The following RYR2 variants were observed in gnomAD, a reference collection of about 807,000 sequenced individuals.
RYR2 encodes ryanodine receptor 2.
RYR2 carries 227 observed loss-of-function variants against 601.1 expected under a neutral mutation model. That is an observed-to-expected ratio of 0.38 (90% CI 0.34 to 0.42). The LOEUF (loss-of-function observed/expected upper bound fraction) is 0.42, where lower values mean the gene tolerates loss of function less well. RYR2 is among the 10% of genes least tolerant of loss of function. The probability of loss-of-function intolerance (pLI) is 1.00; values close to 1 mark genes in which losing one functional copy is unlikely to be tolerated. For missense variants in RYR2, 4,646 were observed against 6,156.5 expected (o/e 0.75, Z 8.21); for synonymous variants, 2,223 against 2,175.1 (o/e 1.02, Z -0.61).
At chr1:237,245,485 A>G (rs1686718399) in intron 1 of RYR2, among the ~76,000 whole-genome samples, 1 of 152,164 alleles carries the variant, frequency 6.6e-6, no homozygotes. Flanking sequence ...GCGTAGGGAA[A>G]TGCTCATTTC....
Position 237,640,978 on chromosome 1 carries a change from G to A in RYR2, c.7197G>A (p.Leu2399=). 6.2e-7 allele frequency: 1 copy of A among 1,612,650 alleles called. No homozygotes were observed. Among genetic ancestry groups the A allele is most frequent in the East Asian group, 2.2e-5 (1 of 44,852 alleles). The change falls in exon 47 of 105, where the codon TTG becomes TTA. Residue 2399 remains leucine, a synonymous_variant. Transcript: ENST00000366574. The part of the protein sequence containing the change: ...MTFYSALIDL[L]GRCAPEMHLI... ...TCTATTCAGCTTTGATTGACCTCTTGGGACGCTGTGCTCCTGAGATGCATG... is the reference window on the plus strand; with the variant it reads ...TCTATTCAGCTTTGATTGACCTCTTAGGACGCTGTGCTCCTGAGATGCATG...
chr1:237,358,711 G>A (rs1004357389), intron 4 of RYR2, among the ~76,000 whole-genome samples: 2 of 151,894 alleles, frequency 1.3e-5, no homozygotes, highest in Non-Finnish European at 2.9e-5. Flanking sequence ...TCACTTCCCA[G>A]TTGCAGCCCT....
chr1:237,359,649 C>T (rs946937415), intron 4 of RYR2, among the ~76,000 whole-genome samples: 1 of 152,118 alleles, frequency 6.6e-6, no homozygotes, highest in East Asian at 1.9e-4. Flanking sequence ...TCTCCCTCCC[C>T]TCTCCATCCC....
rs147499106 is a variant in RYR2 at position 237,791,583 on chromosome 1, C to T, written c.13563+68C>T. On this transcript the variant is annotated intron_variant, in intron 93 of 104. Coordinates refer to ENST00000366574, the MANE Select transcript of RYR2 (RefSeq NM_001035.3). ...AATAGAAATGAATGTAAAGATTTCA[C>T]GATGAACGTATCTACTACTGCTAGT... 1.9e-3 allele frequency: 1,533 copies of T among 826,062 alleles called. 19 individuals carry two copies. Among genetic ancestry groups the T allele is most frequent in the Non-Finnish European group, 6.6e-4 (325 of 493,560 alleles). 51.2% of individuals were successfully genotyped at this position (826,062 alleles called of 1,614,324 possible).
chr1:237,252,994 A>T (rs1257455056), intron 1 of RYR2, among the ~76,000 whole-genome samples: 1 of 151,940 alleles, frequency 6.6e-6, no homozygotes, highest in Non-Finnish European at 1.5e-5. Context: ...ATGAAACTCC[A>T]TCTCTACTAA....
In RYR2 at chr1:237,660,801, C is replaced by A; in HGVS notation, c.8299-9C>A. On this transcript the variant is annotated splice_polypyrimidine_tract_variant and intron_variant, in intron 55 of 104. Transcript: ENST00000366574. ...ATATATCTGTTGTTTCTTGTTTTTT[C>A]TTCTCTAGGAAAAAGAAATTTATCG... 1 of 1,532,888 alleles carries A rather than the reference C, an allele frequency of 6.5e-7. No homozygotes were observed. Among genetic ancestry groups the A allele is most frequent in the Non-Finnish European group, 8.8e-7 (1 of 1,136,450 alleles). 95.0% of individuals were successfully genotyped at this position (1,532,888 alleles called of 1,614,324 possible). A position where few individuals can be genotyped will look rare whatever the true frequency, so the allele number is the denominator to read the frequency against.
chr1:237,100,440 G>A (rs894629675), intron 1 of RYR2, among the ~76,000 whole-genome samples: 16 of 151,594 alleles, frequency 1.1e-4, no homozygotes, highest in Admixed American at 1.1e-3. Flanking sequence ...AAGCTGGAGT[G>A]CAGTGGTGTG....
At chr1:237,557,671 A>G (rs1050826277) in intron 27 of RYR2, among the ~76,000 whole-genome samples, 1 of 152,026 alleles carries the variant, frequency 6.6e-6, no homozygotes, top group Non-Finnish European at 1.5e-5. Flanking sequence ...AAAAAGAAGT[A>G]TAGATGAGGA....
intron 97 of RYR2, among the ~76,000 whole-genome samples, chr1:237,799,086 T>A (rs1659637721): frequency 6.6e-6 from 1 of 152,216 alleles, no homozygotes; most frequent in African/African-American, 2.4e-5. Flanking sequence ...ATTGTTTTTA[T>A]CTATCTGAAA....
chr1:237,653,245 G>A (rs966808254), intron 51 of RYR2, among the ~76,000 whole-genome samples: 2 of 152,174 alleles, frequency 1.3e-5, no homozygotes, highest in Non-Finnish European at 2.9e-5. Flanking sequence ...TCAGAGTAGA[G>A]CAATTTTGGA....
intron 53 of RYR2, 82 bp from the exon 54 acceptor site, chr1:237,657,862 C>A: frequency 2.7e-6 from 2 of 730,062 alleles, no homozygotes; most frequent in African/African-American, 1.8e-5. Context: ...TATAAGCATT[C>A]ATAAGCTGTG....
chr1:237,515,853 CTTCTCTTCTCTCT>C (rs1666452621), intron 24 of RYR2, among the ~76,000 whole-genome samples: 2 of 141,556 alleles, frequency 1.4e-5, no homozygotes, highest in South Asian at 2.4e-4. Context: ...CCTCCCTCTT[CTTCTCTTCTCTCT>C]TCTTTTCCTT....
intron 1 of RYR2, among the ~76,000 whole-genome samples, chr1:237,081,424 G>T (rs1665634449): frequency 6.6e-6 from 1 of 151,842 alleles, no homozygotes; most frequent in African/African-American, 2.4e-5. Flanking sequence ...ACTTCAGGGA[G>T]GGCCAGGTTC....
intron 2 of RYR2, among the ~76,000 whole-genome samples, chr1:237,313,831 C>T (rs1694815889): frequency 6.6e-6 from 1 of 151,844 alleles, no homozygotes; most frequent in African/African-American, 2.4e-5. Context: ...TTATAGCATC[C>T]TGTTTTTTAT....
intron 2 of RYR2, among the ~76,000 whole-genome samples, chr1:237,319,342 G>A (rs1232988875): frequency 1.3e-5 from 2 of 151,982 alleles, no homozygotes; most frequent in African/African-American, 4.8e-5. Context: ...CCACAGAATG[G>A]GTTACACTTT....
chr1:237,209,825 C>A (rs927709514), intron 1 of RYR2, among the ~76,000 whole-genome samples: 2 of 152,046 alleles, frequency 1.3e-5, no homozygotes, highest in Non-Finnish European at 2.9e-5. Flanking sequence ...CACTGCACTC[C>A]AGCCTAGGTG....
intron 71 of RYR2, among the ~76,000 whole-genome samples, chr1:237,714,104 G>A (rs1689063885): frequency 6.6e-6 from 1 of 152,136 alleles, no homozygotes; most frequent in Non-Finnish European, 1.5e-5. Flanking sequence ...TCAGCCTGGA[G>A]TGCTGACTCT....
intron 101 of RYR2, among the ~76,000 whole-genome samples, chr1:237,821,864 A>T (rs1250364638): frequency 6.6e-6 from 1 of 151,810 alleles, no homozygotes; most frequent in Non-Finnish European, 1.5e-5. Flanking sequence ...ACAGCACAAG[A>T]ACTTTGTGAA....
chr1:237,314,969 C>A (rs572330267), intron 2 of RYR2, among the ~76,000 whole-genome samples: 2 of 152,206 alleles, frequency 1.3e-5, no homozygotes, highest in South Asian at 4.1e-4. Context: ...AATATTAAAT[C>A]TCTTTATGAG....
Sources: allele counts gnomAD v4.1 joint callset (sites outside exome capture counted in the v4.1 genomes callset), GRCh38; gene constraint gnomAD v4.1.1; transcripts MANE v1.5; gene names NCBI Gene and HGNC (gene_info 2026-07-23, HGNC 2026-07-21).